Variants in SLC7A11 observed in about 807,000 individuals in gnomAD.
SLC7A11 encodes the protein cystine/glutamate transporter.
SLC7A11 carries 35 observed loss-of-function variants against 54.5 expected under a neutral mutation model. The ratio of observed to expected loss-of-function variants is 0.64; its 90% CI spans 0.49 to 0.85. The LOEUF is 0.85. Among genes scored for constraint, SLC7A11 ranks in the 40% least tolerant of loss-of-function variants. The pLI is 0.00. For missense variants in SLC7A11, 583 were observed against 618.1 expected (o/e 0.94, Z 0.60); for synonymous variants, 230 against 225.2 (o/e 1.02, Z -0.19).
intron 1 of SLC7A11, 29 bp downstream of exon 1, chr4:138,241,764 G>T (rs773955536): frequency 3.8e-5 from 59 of 1,532,836 alleles, no homozygotes; most frequent in Non-Finnish European, 5.1e-5. Context: ...CCACAGCCAC[G>T]CCCCCACGAG....
intron 4 of SLC7A11, among the ~76,000 whole-genome samples, chr4:138,222,618 G>A (rs907622854): frequency 2.6e-5 from 4 of 151,950 alleles, no homozygotes; most frequent in East Asian, 1.9e-4. Flanking sequence ...GCAAGTAATC[G>A]CAGAAATGCG....
chr4:138,233,916 T>C (rs1738143538), intron 2 of SLC7A11, among the ~76,000 whole-genome samples: 1 of 150,906 alleles, frequency 6.6e-6, no homozygotes, highest in African/African-American at 2.4e-5. Flanking sequence ...TTGACTATGT[T>C]TTATACTTCA....
chr4:138,171,843 C>A lies in SLC7A11; in HGVS notation c.*113G>T. 7.6e-7 allele frequency: 1 copy of A among 1,313,766 alleles called. No homozygotes were observed. The highest frequency in any genetic ancestry group is 1.0e-6 in the Non-Finnish European group (1 of 971,540). 81.4% of individuals were successfully genotyped at this position (1,313,766 alleles called of 1,614,324 possible). A position where few individuals can be genotyped will look rare whatever the true frequency, so the allele number is the denominator to read the frequency against. ...AAAATATATGAATAAAAATAACTGA[C>A]TCCTTTTGTTTATCACCAAAGTTGT... On this transcript the variant is annotated 3_prime_UTR_variant, in exon 12 of 12. Coordinates refer to ENST00000280612, the MANE Select transcript of SLC7A11 (RefSeq NM_014331.4).
intron 6 of SLC7A11, among the ~76,000 whole-genome samples, chr4:138,201,996 T>C (rs568798171): frequency 2.0e-5 from 3 of 152,240 alleles, no homozygotes; most frequent in South Asian, 2.1e-4. Context: ...GAATGTCTAA[T>C]ACTGAAATGT....
At chr4:138,206,613 G>C (rs1198773921) in intron 6 of SLC7A11, among the ~76,000 whole-genome samples, 1 of 151,644 alleles carries the variant, frequency 6.6e-6, no homozygotes, top group Non-Finnish European at 1.5e-5. Flanking sequence ...TGTCTTCTTT[G>C]ATTACCCCAT....
rs1286540680 is a variant in SLC7A11 at position 138,169,365 on chromosome 4, A to G, written c.*2591T>C. The G allele has an allele frequency of 1.3e-5, 2 of 152,126 alleles. No individual in the cohort carries two copies. Among genetic ancestry groups the G allele is most frequent in the Non-Finnish European group, 2.9e-5 (2 of 67,996 alleles). The allele number at this position is 152,126 out of a possible 1,614,324, so 9.4% of individuals were successfully genotyped here. A position where few individuals can be genotyped will look rare whatever the true frequency, so the allele number is the denominator to read the frequency against. On this transcript the variant is annotated 3_prime_UTR_variant, in exon 12 of 12. Transcript: ENST00000280612. ...TGTCTTCTCATGATGAGTCCTAAAA[A>G]TAAGCCAAAATACTACTTAATCTCC...
At chr4:138,178,594 C>A (rs1736641591) in intron 11 of SLC7A11, among the ~76,000 whole-genome samples, 1 of 152,042 alleles carries the variant, frequency 6.6e-6, no homozygotes, top group Non-Finnish European at 1.5e-5. Context: ...ATTTACATTC[C>A]CACCATAGCA....
intron 1 of SLC7A11, among the ~76,000 whole-genome samples, chr4:138,236,653 G>A (rs1209985381): frequency 6.6e-6 from 1 of 152,064 alleles, no homozygotes; most frequent in Non-Finnish European, 1.5e-5. Flanking sequence ...TCACAGTTGA[G>A]ATTTAGTGTA....
At chr4:138,208,059 G>A (rs1234466829) in intron 6 of SLC7A11, among the ~76,000 whole-genome samples, 2 of 151,984 alleles carry the variant, frequency 1.3e-5, no homozygotes, top group East Asian at 3.9e-4. Flanking sequence ...AAAGGTCTTT[G>A]GGCATTTTTC....
intron 2 of SLC7A11, among the ~76,000 whole-genome samples, chr4:138,232,907 AAAGTC>A (rs1411174783): frequency 2.0e-5 from 3 of 152,184 alleles, no homozygotes; most frequent in African/African-American, 4.8e-5. Context: ...ACAAAAACTC[AAAGTC>A]AAGTGATTAT....
At chr4:138,192,246 C>G (rs768294880) in intron 6 of SLC7A11, among the ~76,000 whole-genome samples, 4 of 152,078 alleles carry the variant, frequency 2.6e-5, no homozygotes, top group Non-Finnish European at 5.9e-5. Flanking sequence ...CCTCTTTTAT[C>G]TAGGAGGGGC....
rs1450652393 is a variant in SLC7A11 at position 138,170,220 on chromosome 4, TATATATATAA to T, written c.*1726_*1735del. 2 of 130,316 alleles carry T rather than the reference TATATATATAA, an allele frequency of 1.5e-5. No homozygotes were observed. Among genetic ancestry groups the T allele is most frequent in the Non-Finnish European group, 3.3e-5 (2 of 61,220 alleles). The allele number at this position is 130,316 out of a possible 1,614,324, so 8.1% of individuals were successfully genotyped here. ...GTAAGTTCCACTATATATATATATA[TATATATATAA>T]AAAGTGTGTGTGTGTGTGTGTATAT... On this transcript the variant is annotated 3_prime_UTR_variant, in exon 12 of 12. Coordinates refer to ENST00000280612, the MANE Select transcript of SLC7A11 (RefSeq NM_014331.4).
intron 4 of SLC7A11, among the ~76,000 whole-genome samples, chr4:138,221,362 T>C (rs1011296410): frequency 2.0e-5 from 3 of 152,144 alleles, no homozygotes; most frequent in Non-Finnish European, 2.9e-5. Flanking sequence ...CAGGATATGA[T>C]TAGAATAGAA....
rs184625469 is a variant in SLC7A11 at position 138,234,954 on chromosome 4, A to G, written c.404+1371T>C. Among the ~76,000 whole-genome samples, 18 of 152,350 alleles carry G rather than the reference A, an allele frequency of 1.2e-4. No homozygotes were observed. In the East Asian group the frequency reaches 1.7e-3, roughly 15 times the overall value. On this transcript the variant is annotated intron_variant, in intron 2 of 11. Coordinates refer to ENST00000280612, the MANE Select transcript of SLC7A11 (RefSeq NM_014331.4). ...TAAACTTTCAATTACTTATTCAAAA[A>G]TAATTTAATATATGCCAAAAAAAGG...
intron 6 of SLC7A11, among the ~76,000 whole-genome samples, chr4:138,199,248 G>C (rs1737212724): frequency 1.3e-5 from 2 of 152,152 alleles, no homozygotes. Flanking sequence ...ACTTTTATTT[G>C]ATGTGATTAA....
At chr4:138,185,271 T>G in intron 6 of SLC7A11, 27 bp from the exon 7 acceptor site, 4 of 1,609,284 alleles carry the variant, frequency 2.5e-6, no homozygotes, top group Non-Finnish European at 3.4e-6. Flanking sequence ...AATCACTTAT[T>G]CATTATCTTT....
At chr4:138,180,072 G>A (rs992245049) in intron 10 of SLC7A11, among the ~76,000 whole-genome samples, 1 of 152,084 alleles carries the variant, frequency 6.6e-6, no homozygotes, top group Non-Finnish European at 1.5e-5. Context: ...CTCCAAAAGG[G>A]AGATGCTTAC....
chr4:138,205,354 G>T (rs1203601553), intron 6 of SLC7A11, among the ~76,000 whole-genome samples: 2 of 152,072 alleles, frequency 1.3e-5, no homozygotes, highest in African/African-American at 4.8e-5. Flanking sequence ...TGGTAATACA[G>T]TTTTAGCTTG....
chr4:138,218,749 A>C lies in SLC7A11; in HGVS notation c.746+517T>G, dbSNP rs72933896. On this transcript the variant is annotated intron_variant, in intron 5 of 11. Transcript: ENST00000280612. ...TGTAATAGACTGTCTAGAAGAGTTGACTGCATTATCTTGGTTTCTCTTTCT... is the reference window on the plus strand; with the variant it reads ...TGTAATAGACTGTCTAGAAGAGTTGCCTGCATTATCTTGGTTTCTCTTTCT... Among the ~76,000 whole-genome samples, 1,068 of 152,268 alleles carry C rather than the reference A, an allele frequency of 7.0e-3. 14 individuals are homozygous for C. Among genetic ancestry groups the C allele is most frequent in the African/African-American group, 0.023 (961 of 41,560 alleles).
Sources: allele counts gnomAD v4.1 joint callset (sites outside exome capture counted in the v4.1 genomes callset), GRCh38; gene constraint gnomAD v4.1.1; transcripts MANE v1.5; gene names NCBI Gene and HGNC (gene_info 2026-07-23, HGNC 2026-07-21).